TNPO3: variants seen among roughly 807,000 people sequenced by gnomAD.
TNPO3 encodes the protein transportin 3.
TNPO3 carries 65 observed loss-of-function variants against 122.8 expected under a neutral mutation model. That is an observed-to-expected ratio of 0.53 (90% CI 0.43 to 0.65). The LOEUF (loss-of-function observed/expected upper bound fraction) is 0.65, where lower values mean the gene tolerates loss of function less well. Ranked by LOEUF, TNPO3 falls within the 30% of genes least tolerant of loss-of-function variation. TNPO3 has a pLI of 0.00. For missense variants in TNPO3, 850 were observed against 1,136.7 expected (o/e 0.75, Z 3.63); for synonymous variants, 372 against 411.2 (o/e 0.90, Z 1.15).
At chr7:129,002,132 AG>A (rs1182132592) in intron 5 of TNPO3, among the ~76,000 whole-genome samples, 1 of 152,254 alleles carries the variant, frequency 6.6e-6, no homozygotes, top group Non-Finnish European at 1.5e-5. Flanking sequence ...GAAATTTTGA[AG>A]GAAAATAATA....
chr7:128,958,897 A>T (rs1342041783), intron 21 of TNPO3, among the ~76,000 whole-genome samples: 1 of 152,154 alleles, frequency 6.6e-6, no homozygotes, highest in African/African-American at 2.4e-5. Flanking sequence ...CCAGCTACTC[A>T]CGAGGCTAAG....
At chr7:128,994,013 G>A (rs1801031737) in intron 8 of TNPO3, 99 bp from the exon 9 acceptor site, 3 of 1,100,898 alleles carry the variant, frequency 2.7e-6, no homozygotes, top group South Asian at 3.0e-5. Context: ...AAGCAGTCAA[G>A]TTTCAATGAA....
chr7:128,979,424 G>A (rs575231836), intron 15 of TNPO3, among the ~76,000 whole-genome samples: 2 of 152,308 alleles, frequency 1.3e-5, no homozygotes, highest in African/African-American at 4.8e-5. Context: ...GAATTGGTAC[G>A]AGCTATATAG....
intron 1 of TNPO3, among the ~76,000 whole-genome samples, chr7:129,045,869 C>T (rs1807971063): frequency 6.6e-6 from 1 of 152,102 alleles, no homozygotes; most frequent in Non-Finnish European, 1.5e-5. Flanking sequence ...TATATTTGTA[C>T]CGTACAGTAC....
chr7:129,019,584 C>G (rs1804229654), intron 1 of TNPO3, among the ~76,000 whole-genome samples: 2 of 152,176 alleles, frequency 1.3e-5, no homozygotes, highest in African/African-American at 4.8e-5. Flanking sequence ...GCGTGTGGCT[C>G]ATACCTATAA....
rs772376423 is a variant in TNPO3, at chr7:128,972,417, T to C, written c.2430+9A>G. 1 of 1,606,852 alleles carries C rather than the reference T, an allele frequency of 6.2e-7. No individual in the cohort carries two copies. Among genetic ancestry groups the C allele is most frequent in the Non-Finnish European group, 8.5e-7 (1 of 1,177,004 alleles). On this transcript the variant is annotated intron_variant, in intron 19 of 22. Transcript: ENST00000265388. Reference sequence around the variant, plus strand: ...TGTTAAGTAGAAATGGTATCATTTTTATACTTACATCATTGGCTACCCCTG... The same window carrying C: ...TGTTAAGTAGAAATGGTATCATTTTCATACTTACATCATTGGCTACCCCTG...
chr7:129,003,296 G>GTTT lies in TNPO3; in HGVS notation c.696+1719_696+1720insAAA, dbSNP rs1299743179. 2.8e-3 allele frequency among the ~76,000 whole-genome samples: 301 copies of GTTT among 107,664 alleles called. 3 individuals carry two copies. Among genetic ancestry groups the GTTT allele is most frequent in the African/African-American group, 0.01 (283 of 27,340 alleles). The allele number at this position is 107,664 out of a possible 152,430, so 70.6% of individuals were successfully genotyped here. ...ATATATGAAGTATTTTAATTTTTAG[G>GTTT]GTTTTTTTTTTTTTTTTTTTTTAAG... On this transcript the variant is annotated intron_variant, in intron 5 of 22. Coordinates refer to ENST00000265388, the MANE Select transcript of TNPO3 (RefSeq NM_012470.4).
chr7:129,008,205 A>G (rs2150402558), intron 4 of TNPO3, among the ~76,000 whole-genome samples: 1 of 151,530 alleles, frequency 6.6e-6, no homozygotes, highest in East Asian at 1.9e-4. Context: ...CTTGCTTTAG[A>G]GGGGAAAGTA....
At chr7:129,014,642 C>G (rs2150423906) in intron 4 of TNPO3, among the ~76,000 whole-genome samples, 1 of 152,264 alleles carries the variant, frequency 6.6e-6, no homozygotes, top group South Asian at 2.1e-4. Flanking sequence ...TTGCATGATC[C>G]TTTATTAACA....
At chr7:129,005,786 T>TC (rs1312932215) in intron 4 of TNPO3, among the ~76,000 whole-genome samples, 2 of 149,072 alleles carry the variant, frequency 1.3e-5, no homozygotes, top group Non-Finnish European at 3.0e-5. Context: ...TCTTTTCTTT[T>TC]TTTTTTTTTT....
chr7:129,003,176 T>C (rs1038733703), intron 5 of TNPO3, among the ~76,000 whole-genome samples: 2 of 150,392 alleles, frequency 1.3e-5, no homozygotes, highest in Admixed American at 1.3e-4. Context: ...TGAGCCGAGA[T>C]TGTGCCACTG....
intron 16 of TNPO3, among the ~76,000 whole-genome samples, chr7:128,976,884 T>C (rs1212127853): frequency 6.6e-6 from 1 of 152,202 alleles, no homozygotes; most frequent in Non-Finnish European, 1.5e-5. Context: ...AAACTCAAAA[T>C]TATATGCTCT....
intron 1 of TNPO3, among the ~76,000 whole-genome samples, chr7:129,034,562 C>T (rs1806343543): frequency 6.6e-6 from 1 of 151,964 alleles, no homozygotes; most frequent in Non-Finnish European, 1.5e-5. Flanking sequence ...TGCTCAATTA[C>T]TTTTTGAATT....
At chr7:128,964,232 T>C (rs1334302868) in intron 21 of TNPO3, among the ~76,000 whole-genome samples, 4 of 152,090 alleles carry the variant, frequency 2.6e-5, no homozygotes, top group Non-Finnish European at 5.9e-5. Flanking sequence ...AATCTATAGA[T>C]TCAATACAAT....
In TNPO3 at chr7:128,972,480, AT is replaced by A. The variant is rs1563089056; in HGVS notation, c.2375del (p.Asn792IlefsTer5). 1 of 1,614,216 alleles carries A rather than the reference AT, an allele frequency of 6.2e-7. No homozygotes were observed. The highest frequency in any genetic ancestry group is 8.5e-7 in the Non-Finnish European group (1 of 1,180,032). On this transcript the variant is annotated frameshift_variant, in exon 19 of 23. Coordinates refer to ENST00000265388, the MANE Select transcript of TNPO3 (RefSeq NM_012470.4). LOFTEE classifies it high-confidence loss of function. Reference sequence around the variant, plus strand: ...CTCGTAGAAACCTCATGACACTACAATTGGCATCCCGGTGGTCCAGGGTAGT... The same window carrying A: ...CTCGTAGAAACCTCATGACACTACAATGGCATCCCGGTGGTCCAGGGTAGT... The part of the protein sequence containing the change: ...ASTTLDHRDA[N>X]CSVMRFLRDL...
intron 21 of TNPO3, among the ~76,000 whole-genome samples, chr7:128,962,147 T>C (rs188462529): frequency 1.3e-5 from 2 of 151,718 alleles, no homozygotes; most frequent in East Asian, 3.9e-4. Flanking sequence ...GGATGGATCA[T>C]GAGGTCAGGA....
chr7:128,963,689 A>G (rs973430146), intron 21 of TNPO3, among the ~76,000 whole-genome samples: 1 of 152,236 alleles, frequency 6.6e-6, no homozygotes, highest in Non-Finnish European at 1.5e-5. Context: ...ATAGCATTCC[A>G]TGGTTTGGGA....
At chr7:128,995,760 G>A (rs370475893) in intron 8 of TNPO3, among the ~76,000 whole-genome samples, 8 of 152,256 alleles carry the variant, frequency 5.3e-5, no homozygotes, top group Non-Finnish European at 8.8e-5. Flanking sequence ...GTGCAGTGGC[G>A]CAATCTTGGC....
chr7:128,976,477 T>C (rs761759644), intron 16 of TNPO3, among the ~76,000 whole-genome samples: 9 of 152,114 alleles, frequency 5.9e-5, no homozygotes, highest in Non-Finnish European at 1.2e-4. Context: ...ATGCACATTA[T>C]TATTTTTTTT....
Sources: allele counts gnomAD v4.1 joint callset (sites outside exome capture counted in the v4.1 genomes callset), GRCh38; gene constraint gnomAD v4.1.1; transcripts MANE v1.5; gene names NCBI Gene and HGNC (gene_info 2026-07-23, HGNC 2026-07-21).